Variants in NELL1 observed in about 807,000 individuals in gnomAD.
NELL1 encodes the protein protein kinase C-binding protein NELL1.
In NELL1, 76 loss-of-function variants were observed where a neutral mutation model predicts 107.4. The observed-to-expected ratio is 0.71, with a 90% CI of 0.59 to 0.86. NELL1 has a LOEUF of 0.86. NELL1 is among the 40% of genes least tolerant of loss of function. The pLI, the probability that NELL1 is intolerant of heterozygous loss-of-function variation, is 0.00. For synonymous variants in NELL1, 353 were observed against 341.2 expected, an observed-to-expected ratio of 1.03 and a Z score of -0.38; for missense variants, 1,024 against 1,005.5, an observed-to-expected ratio of 1.02 and a Z score of -0.25.
rs180873629 is a variant in NELL1 at position 20,929,762 on chromosome 11, A to G, written c.997+1283A>G. ...CGAGGCCGTCGGATCACCTGAGGTC[A>G]GGAGTTTGAGACCAGCCTGGCCAAC... On this transcript the variant is annotated intron_variant, in intron 9 of 19. Coordinates refer to ENST00000357134, the MANE Select transcript of NELL1 (RefSeq NM_006157.5). Among the ~76,000 whole-genome samples the G allele has an allele frequency of 9.3e-3, 1,411 of 152,276 alleles. 23 individuals are homozygous for G. The highest frequency in any genetic ancestry group is 0.03 in the African/African-American group (1,257 of 41,570).
At chr11:20,925,698 T>C (rs140001389) in intron 7 of NELL1, among the ~76,000 whole-genome samples, 1 of 152,296 alleles carries the variant, frequency 6.6e-6, no homozygotes, top group Non-Finnish European at 1.5e-5. Context: ...TAGGGGCTGC[T>C]CATGGTGCAT....
intron 12 of NELL1, among the ~76,000 whole-genome samples, chr11:21,068,140 CT>C (rs1853925070): frequency 7.0e-6 from 1 of 142,986 alleles, no homozygotes; most frequent in South Asian, 2.3e-4. Flanking sequence ...TGTATTCATT[CT>C]GGTGTCTAGT....
chr11:21,482,274 C>A (rs980534331), intron 15 of NELL1, among the ~76,000 whole-genome samples: 6 of 152,306 alleles, frequency 3.9e-5, no homozygotes, highest in South Asian at 4.1e-4. Context: ...TAATCTCCAA[C>A]AGACCCCACG....
intron 4 of NELL1, among the ~76,000 whole-genome samples, chr11:20,882,285 C>T (rs552506458): frequency 2.0e-5 from 3 of 152,230 alleles, no homozygotes; most frequent in South Asian, 2.1e-4. Flanking sequence ...TTTCTTGCCT[C>T]ACCATTCCCA....
At chr11:21,214,665 G>A (rs1213198135) in intron 13 of NELL1, among the ~76,000 whole-genome samples, 1 of 152,056 alleles carries the variant, frequency 6.6e-6, no homozygotes, top group Non-Finnish European at 1.5e-5. Context: ...CTTACCAGAT[G>A]ACCCTGCAAT....
At chr11:21,207,401 G>A (rs1185174395) in intron 13 of NELL1, among the ~76,000 whole-genome samples, 1 of 152,078 alleles carries the variant, frequency 6.6e-6, no homozygotes, top group African/African-American at 2.4e-5. Flanking sequence ...AGGATGCCAT[G>A]AACTCTATAT....
At chr11:21,039,045 A>T (rs1331093476) in intron 12 of NELL1, among the ~76,000 whole-genome samples, 1 of 152,194 alleles carries the variant, frequency 6.6e-6, no homozygotes, top group Non-Finnish European at 1.5e-5. Context: ...AAGAAGGATC[A>T]AAAAGATCAA....
chr11:20,723,566 T>C (rs929227382), intron 2 of NELL1, among the ~76,000 whole-genome samples: 7 of 150,168 alleles, frequency 4.7e-5, no homozygotes, highest in African/African-American at 7.4e-5. Flanking sequence ...CCCGTGAAGC[T>C]CTGGAGGGTA....
At chr11:20,898,042 C>T (rs1012848933) in intron 5 of NELL1, among the ~76,000 whole-genome samples, 2 of 152,100 alleles carry the variant, frequency 1.3e-5, no homozygotes, top group African/African-American at 4.8e-5. Flanking sequence ...ACTAGAAATA[C>T]CATTTGACCC....
intron 14 of NELL1, among the ~76,000 whole-genome samples, chr11:21,273,397 A>G (rs1848782785): frequency 6.6e-6 from 1 of 152,236 alleles, no homozygotes; most frequent in Non-Finnish European, 1.5e-5. Flanking sequence ...GAAATATGGG[A>G]CTATGTGAAA....
In NELL1 at chr11:21,414,187, A is replaced by C. The variant is rs556749153; in HGVS notation, c.1645+43239A>C. 1.3e-3 allele frequency among the ~76,000 whole-genome samples: 203 copies of C among 152,118 alleles called. 1 individual carries two copies. The highest frequency in any genetic ancestry group is 4.8e-3 in the African/African-American group (200 of 41,542). On this transcript the variant is annotated intron_variant, in intron 15 of 19. Coordinates refer to ENST00000357134, the MANE Select transcript of NELL1 (RefSeq NM_006157.5). ...GTTCTCTGCTGCTGGGCCTGGTAAG[A>C]GGTCTTTGGAAATGAAGGTAATTCC...
chr11:20,976,663 T>C (rs1466086160), intron 12 of NELL1, among the ~76,000 whole-genome samples: 1 of 152,204 alleles, frequency 6.6e-6, no homozygotes. Context: ...AACTTACTTG[T>C]ACATGGAATT....
chr11:20,675,854 G>A (rs1439856944), intron 1 of NELL1, among the ~76,000 whole-genome samples: 1 of 151,760 alleles, frequency 6.6e-6, no homozygotes, highest in Non-Finnish European at 1.5e-5. Flanking sequence ...TCTGCTTCCT[G>A]GGTGCAGGTG....
At chr11:21,480,093 T>C (rs1854454714) in intron 15 of NELL1, among the ~76,000 whole-genome samples, 1 of 152,198 alleles carries the variant, frequency 6.6e-6, no homozygotes, top group Admixed American at 6.5e-5. Flanking sequence ...ACTTCTCATA[T>C]AAAATTCTCT....
intron 12 of NELL1, among the ~76,000 whole-genome samples, chr11:21,015,697 C>T (rs1852548623): frequency 2.0e-5 from 3 of 151,484 alleles, no homozygotes. Context: ...TTCTCCTTTC[C>T]CTCCCACTAA....
intron 12 of NELL1, among the ~76,000 whole-genome samples, chr11:21,059,054 C>T (rs754556646): frequency 6.6e-6 from 1 of 152,030 alleles, no homozygotes; most frequent in Non-Finnish European, 1.5e-5. Flanking sequence ...TTTACATTCT[C>T]AACACTTAAT....
intron 3 of NELL1, among the ~76,000 whole-genome samples, chr11:20,790,973 G>T (rs1857062858): frequency 6.6e-6 from 1 of 152,182 alleles, no homozygotes; most frequent in Non-Finnish European, 1.5e-5. Flanking sequence ...AGTGCTGTTT[G>T]ATTATTGCAG....
chr11:20,855,705 AAAGC>A (rs1025580078), intron 4 of NELL1, among the ~76,000 whole-genome samples: 1 of 152,228 alleles, frequency 6.6e-6, no homozygotes, highest in Non-Finnish European at 1.5e-5. Context: ...TTTAAAGAGA[AAAGC>A]AAGGAAAGAA....
Position 21,096,017 on chromosome 11 carries a change from C to T in NELL1, c.1301-17572C>T, listed in dbSNP as rs561814543. 6.6e-5 allele frequency among the ~76,000 whole-genome samples: 10 copies of T among 152,240 alleles called. No homozygotes were observed. The East Asian group carries it at 1.7e-3, about 26-fold the overall frequency. On this transcript the variant is annotated intron_variant, in intron 12 of 19. Coordinates refer to ENST00000357134, the MANE Select transcript of NELL1 (RefSeq NM_006157.5). Reference sequence around the variant, plus strand: ...GACTTATTCACTGTCATGAGAACAGCAAGGGAAAGTCTTGCCCCCATGATT... The same window carrying T: ...GACTTATTCACTGTCATGAGAACAGTAAGGGAAAGTCTTGCCCCCATGATT...
Sources: gnomAD v4.1 joint callset for allele counts (sites outside exome capture counted in the v4.1 genomes callset) on GRCh38, gnomAD v4.1.1 for gene constraint, MANE v1.5 for transcripts, NCBI Gene and HGNC (gene_info 2026-07-23, HGNC 2026-07-21) for gene names.